Variants in PPM1L observed in about 807,000 individuals in gnomAD.
PPM1L encodes the protein protein phosphatase, Mg2+/Mn2+ dependent 1L, also known as protein phosphatase 1L.
In PPM1L, 13 loss-of-function variants were observed where a neutral mutation model predicts 31.4. The ratio of observed to expected loss-of-function variants is 0.41; its 90% CI spans 0.27 to 0.66. The LOEUF (loss-of-function observed/expected upper bound fraction) is 0.66, where lower values mean the gene tolerates loss of function less well. Among genes scored for constraint, PPM1L ranks in the 30% least tolerant of loss-of-function variants. The pLI, the probability that PPM1L is intolerant of heterozygous loss-of-function variation, is 0.29. For missense variants in PPM1L, 326 were observed against 453.7 expected, an observed-to-expected ratio of 0.72 and a Z score of 2.56; for synonymous variants, 184 against 175.4, an observed-to-expected ratio of 1.05 and a Z score of -0.39.
intron 1 of PPM1L, among the ~76,000 whole-genome samples, chr3:160,829,188 G>T (rs1162513479): frequency 6.6e-6 from 1 of 151,130 alleles, no homozygotes; most frequent in African/African-American, 2.4e-5. Context: ...TCCTTTACCT[G>T]GAATGCCCTC....
chr3:160,891,388 T>C (rs138467755), intron 1 of PPM1L, among the ~76,000 whole-genome samples: 4,427 of 152,082 alleles, frequency 0.029, 98 homozygotes, highest in South Asian at 0.11. Context: ...CCAACAACTA[T>C]GAAAAAAAGC....
intron 2 of PPM1L, among the ~76,000 whole-genome samples, chr3:160,980,938 T>C (rs1330725835): frequency 6.6e-6 from 1 of 152,122 alleles, no homozygotes; most frequent in Non-Finnish European, 1.5e-5. Context: ...CTTGATGTGG[T>C]GTACAGGGGT....
chr3:161,023,099 A>G (rs1308830783), intron 2 of PPM1L, among the ~76,000 whole-genome samples: 1 of 147,414 alleles, frequency 6.8e-6, no homozygotes, highest in African/African-American at 2.5e-5. Flanking sequence ...TGTTAGTCTC[A>G]TTTGAAACTT....
chr3:160,791,888 G>GT (rs1009379213), intron 1 of PPM1L, among the ~76,000 whole-genome samples: 7 of 152,000 alleles, frequency 4.6e-5, no homozygotes, highest in African/African-American at 7.3e-5. Flanking sequence ...GGTGACATGA[G>GT]TTTTTTTTAT....
intron 1 of PPM1L, among the ~76,000 whole-genome samples, chr3:160,797,015 C>A (rs1472758459): frequency 6.6e-6 from 1 of 152,114 alleles, no homozygotes; most frequent in Admixed American, 6.6e-5. Flanking sequence ...ACAGGTACAC[C>A]TTGTTTTATT....
At chr3:160,796,454 C>A (rs761419594) in intron 1 of PPM1L, among the ~76,000 whole-genome samples, 4 of 152,138 alleles carry the variant, frequency 2.6e-5, no homozygotes, top group Non-Finnish European at 2.9e-5. Flanking sequence ...TAAATGTCTT[C>A]CTTTGGGTGA....
intron 2 of PPM1L, among the ~76,000 whole-genome samples, chr3:161,015,469 A>G (rs966534924): frequency 1.3e-5 from 2 of 152,208 alleles, no homozygotes; most frequent in East Asian, 1.9e-4. Context: ...TATGCAAACT[A>G]TATCTCTAAA....
At chr3:160,838,561 G>A (rs924754987) in intron 1 of PPM1L, among the ~76,000 whole-genome samples, 1 of 152,160 alleles carries the variant, frequency 6.6e-6, no homozygotes, top group Non-Finnish European at 1.5e-5. Flanking sequence ...ATTTTTGACT[G>A]TAATATTTTT....
intron 2 of PPM1L, among the ~76,000 whole-genome samples, chr3:160,968,515 A>G (rs1383002719): frequency 2.6e-5 from 4 of 152,208 alleles, no homozygotes; most frequent in Admixed American, 2.0e-4. Context: ...CTTTCCTCAT[A>G]TTTATTTTTA....
chr3:160,945,326 A>G (rs1015752687), intron 1 of PPM1L, among the ~76,000 whole-genome samples: 1 of 151,932 alleles, frequency 6.6e-6, no homozygotes, highest in African/African-American at 2.4e-5. Flanking sequence ...ATATAAACAA[A>G]TGGGCACAGC....
chr3:160,780,893 A>G (rs1276589552), intron 1 of PPM1L, among the ~76,000 whole-genome samples: 1 of 152,194 alleles, frequency 6.6e-6, no homozygotes, highest in Non-Finnish European at 1.5e-5. Flanking sequence ...GATAAAATGT[A>G]TGTAAAGGGT....
rs1491444648 is a variant in PPM1L, at chr3:160,970,445, A to AT, written c.574+8536dup. The stretch of plus-strand genomic sequence containing the variant: ...TTATCAATCTTTTTAACCAAGCTGA[A>AT]TATTTTTTTTTTTTTTTTTTTTGAG... On this transcript the variant is annotated intron_variant, in intron 2 of 3. Transcript: ENST00000498165. Among the ~76,000 whole-genome samples, 64 of 33,462 alleles carry AT rather than the reference A, an allele frequency of 1.9e-3. 4 individuals carry two copies. Among genetic ancestry groups the AT allele is most frequent in the Non-Finnish European group, 2.1e-3 (16 of 7,754 alleles). The allele number at this position is 33,462 out of a possible 152,430, so 22.0% of individuals were successfully genotyped here.
chr3:160,779,894 T>C (rs1711685235), intron 1 of PPM1L, among the ~76,000 whole-genome samples: 1 of 152,118 alleles, frequency 6.6e-6, no homozygotes, highest in African/African-American at 2.4e-5. Flanking sequence ...CCTGAGTTTC[T>C]TCATCTGAAA....
At chr3:161,001,117 C>A (rs1420924710) in intron 2 of PPM1L, among the ~76,000 whole-genome samples, 1 of 152,094 alleles carries the variant, frequency 6.6e-6, no homozygotes, top group Non-Finnish European at 1.5e-5. Flanking sequence ...TAACAATAAT[C>A]ATTTGTTTCT....
chr3:160,973,021 G>T lies in PPM1L; in HGVS notation c.574+11111G>T, dbSNP rs543475140. 2.0e-4 allele frequency among the ~76,000 whole-genome samples: 30 copies of T among 152,204 alleles called. No individual in the cohort carries two copies. The South Asian group carries it at 6.2e-3, about 32-fold the overall frequency. ...CTTGTAAAAGTGGTATGATAGGAAG[G>T]TATTTTAAAAAATCACATTCCCCAA... is the stretch of plus-strand genomic sequence containing the variant. On this transcript the variant is annotated intron_variant, in intron 2 of 3. Coordinates refer to ENST00000498165, the MANE Select transcript of PPM1L (RefSeq NM_139245.4).
chr3:160,758,360 G>A (rs968703983), intron 1 of PPM1L, among the ~76,000 whole-genome samples: 1 of 152,138 alleles, frequency 6.6e-6, no homozygotes, highest in Non-Finnish European at 1.5e-5. Flanking sequence ...TTCAATGAGG[G>A]TGAAGGAAGC....
At chr3:160,910,700 A>T (rs1374637696) in intron 1 of PPM1L, among the ~76,000 whole-genome samples, 1 of 152,070 alleles carries the variant, frequency 6.6e-6, no homozygotes, top group Non-Finnish European at 1.5e-5. Context: ...AATCTAATTT[A>T]TTTATTTTTG....
At chr3:160,757,251 T>A (rs1317499057) in intron 1 of PPM1L, among the ~76,000 whole-genome samples, 1 of 152,238 alleles carries the variant, frequency 6.6e-6, no homozygotes, top group African/African-American at 2.4e-5. Context: ...GCTCTGCGCT[T>A]CTTTCCAACT....
At chr3:160,997,978 G>A (rs1717377843) in intron 2 of PPM1L, among the ~76,000 whole-genome samples, 1 of 152,002 alleles carries the variant, frequency 6.6e-6, no homozygotes, top group Admixed American at 6.6e-5. Context: ...TTATACACAA[G>A]TAAATAGGTT....
Sources: allele counts gnomAD v4.1 joint callset (sites outside exome capture counted in the v4.1 genomes callset), GRCh38; gene constraint gnomAD v4.1.1; transcripts MANE v1.5; gene names NCBI Gene and HGNC (gene_info 2026-07-23, HGNC 2026-07-21).